SLC2A9: variants seen among roughly 807,000 people sequenced by gnomAD.
SLC2A9 encodes solute carrier family 2, facilitated glucose transporter member 9.
Under a neutral mutation model 50.6 loss-of-function variants are expected in SLC2A9, and 39 were observed. That is an observed-to-expected ratio of 0.77 (90% confidence interval 0.60 to 1.01). SLC2A9 has a LOEUF of 1.01. Ranked by LOEUF, SLC2A9 falls within the 50% of genes least tolerant of loss-of-function variation. The probability of loss-of-function intolerance (pLI) is 0.00; values close to 1 mark genes in which losing one functional copy is unlikely to be tolerated. For missense variants in SLC2A9, 686 were observed against 677.6 expected, an observed-to-expected ratio of 1.01 and a Z score of -0.14; for synonymous variants, 324 against 276.9, an observed-to-expected ratio of 1.17 and a Z score of -1.69.
chr4:9,771,723 G>A (rs1159937969), intron 1 of SLC2A9, among the ~76,000 whole-genome samples: 2 of 152,242 alleles, frequency 1.3e-5, no homozygotes, highest in Admixed American at 6.5e-5. Flanking sequence ...CTAGAGGCAG[G>A]TGCAGCGTGC....
At chr4:9,993,913 A>G (rs2109256536) in intron 3 of SLC2A9, among the ~76,000 whole-genome samples, 1 of 152,212 alleles carries the variant, frequency 6.6e-6, no homozygotes. Context: ...AACATTCCCT[A>G]GCTAGGAACA....
downstream of SLC2A9, among the ~76,000 whole-genome samples, chr4:9,824,149 G>T (rs1485264299): frequency 6.6e-6 from 1 of 152,082 alleles, no homozygotes; most frequent in Non-Finnish European, 1.5e-5. Context: ...ATGGGAGTGG[G>T]ACTGGTGGTT....
At chr4:9,894,648 T>C (rs1738181381) in intron 8 of SLC2A9, among the ~76,000 whole-genome samples, 1 of 152,214 alleles carries the variant, frequency 6.6e-6, no homozygotes, top group Non-Finnish European at 1.5e-5. Context: ...ATGGTTTTGG[T>C]ACAATCTAAA....
chr4:9,880,295 C>T lies in SLC2A9; in HGVS notation c.1291+7272G>A, dbSNP rs117694798. 937 of 985,426 alleles carry T rather than the reference C, an allele frequency of 9.5e-4. 42 individuals are homozygous for T. The East Asian group carries it at 0.078, about 82-fold the overall frequency. 61.0% of individuals were successfully genotyped at this position (985,426 alleles called of 1,614,324 possible). ...TGTGGCTAAAGTCATTGCTAGCCAGCGAGGCCCAGGTGCTGGGTCAACACA... is the reference window on the plus strand; with the variant it reads ...TGTGGCTAAAGTCATTGCTAGCCAGTGAGGCCCAGGTGCTGGGTCAACACA... On this transcript the variant is annotated intron_variant, in intron 10 of 11. Transcript: ENST00000264784.
At chr4:9,829,097 A>C (rs1330115912) in intron 11 of SLC2A9, among the ~76,000 whole-genome samples, 3 of 152,138 alleles carry the variant, frequency 2.0e-5, no homozygotes, top group African/African-American at 7.2e-5. Context: ...CAGTTTCACA[A>C]AATTCAGTCA....
intron 11 of SLC2A9, among the ~76,000 whole-genome samples, chr4:9,832,420 C>A (rs1560166212): frequency 6.6e-6 from 1 of 152,318 alleles, no homozygotes; most frequent in East Asian, 1.9e-4. Flanking sequence ...TGACATTTCA[C>A]AAAATACTAA....
At chr4:9,944,624 T>C (rs1484513536) in intron 5 of SLC2A9, among the ~76,000 whole-genome samples, 1 of 152,178 alleles carries the variant, frequency 6.6e-6, no homozygotes, top group Non-Finnish European at 1.5e-5. Flanking sequence ...CAGTGGCCAC[T>C]CTGCACACAT....
At chr4:9,978,459 C>T (rs1454901753) in intron 5 of SLC2A9, among the ~76,000 whole-genome samples, 1 of 152,178 alleles carries the variant, frequency 6.6e-6, no homozygotes, top group Non-Finnish European at 1.5e-5. Context: ...ACTTTTTTTA[C>T]TCCTAAAGGA....
At chr4:9,889,822 C>A (rs1737029893) in intron 9 of SLC2A9, among the ~76,000 whole-genome samples, 1 of 152,230 alleles carries the variant, frequency 6.6e-6, no homozygotes, top group Non-Finnish European at 1.5e-5. Context: ...TCAGTTAATG[C>A]AAGCTGCCCT....
chr4:9,798,839 C>A (rs1319373084), downstream of SLC2A9: 13 of 152,198 alleles, frequency 8.5e-5, no homozygotes, highest in Admixed American at 7.9e-4. Flanking sequence ...CTTAGTGTCT[C>A]TGGGTCTGAG....
intron 1 of SLC2A9, among the ~76,000 whole-genome samples, chr4:10,032,509 A>G (rs974366225): frequency 6.6e-6 from 1 of 152,068 alleles, no homozygotes; most frequent in Admixed American, 6.6e-5. Flanking sequence ...GCTCTTTACA[A>G]AGAGCTGCTG....
chr4:9,848,607 G>A (rs1266531742), intron 10 of SLC2A9, among the ~76,000 whole-genome samples: 1 of 151,952 alleles, frequency 6.6e-6, no homozygotes, highest in African/African-American at 2.4e-5. Context: ...AATCATGTCT[G>A]TCTCTTGGGT....
At chr4:9,781,623 G>C (rs1329565098) in intron 3 of SLC2A9, 3 of 166,888 alleles carry the variant, frequency 1.8e-5, no homozygotes, top group Non-Finnish European at 3.8e-5. Flanking sequence ...CAGGGACCGC[G>C]GCAGCGCCTC....
intron 6 of SLC2A9, among the ~76,000 whole-genome samples, chr4:9,935,725 G>C (rs137912718): frequency 3.3e-5 from 5 of 152,318 alleles, no homozygotes; most frequent in African/African-American, 9.6e-5. Context: ...GTTTTAGGAC[G>C]TGTGCCCCTG....
upstream of SLC2A9, among the ~76,000 whole-genome samples, chr4:10,024,079 C>T (rs996566276): frequency 6.6e-6 from 1 of 152,228 alleles, no homozygotes; most frequent in Non-Finnish European, 1.5e-5. Flanking sequence ...CAGGCCCTCA[C>T]TTCTGACTGC....
chr4:9,818,627 T>C (rs997517591), intron 3 of SLC2A9, among the ~76,000 whole-genome samples: 6 of 152,224 alleles, frequency 3.9e-5, no homozygotes, highest in African/African-American at 1.4e-4. Flanking sequence ...ACACTGGGGC[T>C]GCTGGCCAAG....
intron 6 of SLC2A9, among the ~76,000 whole-genome samples, chr4:9,922,315 T>C (rs1471954448): frequency 3.3e-5 from 5 of 149,990 alleles, no homozygotes; most frequent in Admixed American, 6.6e-5. Flanking sequence ...CCAGAGCCCA[T>C]TGGGGGGTGG....
Position 9,848,699 on chromosome 4 carries a change from C to CTT in SLC2A9, c.1292-13693_1292-13692dup, listed in dbSNP as rs147201182. Among the ~76,000 whole-genome samples the CTT allele has an allele frequency of 4.5e-3, 595 of 130,870 alleles. 4 individuals are homozygous for CTT. Among genetic ancestry groups the CTT allele is most frequent in the African/African-American group, 0.014 (502 of 34,776 alleles). 85.9% of individuals were successfully genotyped at this position (130,870 alleles called of 152,430 possible). On this transcript the variant is annotated intron_variant, in intron 10 of 11. Transcript: ENST00000264784. ...GATCTTTTAAGGATGAGTGGAAATT[C>CTT]TTTTTTTTTTTTTTTTTGGAGACCG... is the stretch of plus-strand genomic sequence containing the variant.
In SLC2A9 at chr4:9,782,431, C is replaced by T. The variant is rs1167570418; in HGVS notation, n.386-2366G>A. On this transcript the variant is annotated intron_variant and non_coding_transcript_variant, in intron 3 of 3. Transcript: ENST00000503803. ...CCTCCATCCTGAACCTGTGCGTCATCAGCGTGGACCGCTACTGGGCCATCT... is the reference window on the plus strand; with the variant it reads ...CCTCCATCCTGAACCTGTGCGTCATTAGCGTGGACCGCTACTGGGCCATCT... 9 of 1,614,016 alleles carry T rather than the reference C, an allele frequency of 5.6e-6. No individual in the cohort carries two copies. The Admixed American group carries it at 6.7e-5, about 12-fold the overall frequency.
Sources: gnomAD v4.1 joint callset for allele counts (sites outside exome capture counted in the v4.1 genomes callset) on GRCh38, gnomAD v4.1.1 for gene constraint, MANE v1.5 for transcripts, NCBI Gene and HGNC (gene_info 2026-07-23, HGNC 2026-07-21) for gene names.